ITPA: variants seen among roughly 807,000 people sequenced by gnomAD.
ITPA encodes inosine triphosphate pyrophosphatase.
Under a neutral mutation model 29.6 loss-of-function variants are expected in ITPA, and 29 were observed. The observed-to-expected ratio is 0.98, with a 90% CI of 0.73 to 1.34. The LOEUF (loss-of-function observed/expected upper bound fraction) is 1.34, where lower values mean the gene tolerates loss of function less well. Among genes scored for constraint, ITPA ranks in the 40% most tolerant of loss-of-function variants. ITPA has a pLI of 0.00. For synonymous variants in ITPA, 103 were observed against 99.3 expected, an observed-to-expected ratio of 1.04 and a Z score of -0.22; for missense variants, 241 against 251.5, an observed-to-expected ratio of 0.96 and a Z score of 0.28.
chr20:3,211,293 G>A (rs1600494523), intron 1 of ITPA, among the ~76,000 whole-genome samples: 4 of 149,568 alleles, frequency 2.7e-5, no homozygotes, highest in African/African-American at 7.4e-5. Context: ...AGCCTCCCGA[G>A]TATCTGGGAT....
At position 3,211,322 on chromosome 20, in the gene ITPA, C is replaced by A. The variant is rs529287928; in HGVS notation, c.66+1705C>A. Among the ~76,000 whole-genome samples, 30 of 150,184 alleles carry A rather than the reference C, an allele frequency of 2.0e-4. 1 individual carries two copies. Among genetic ancestry groups the A allele is most frequent in the African/African-American group, 7.1e-4 (29 of 40,962 alleles). ...CTGGGATTGCAGGCATGTATCACCA[C>A]GCCTGGTTAATTTTTGTATTTTTAG... On this transcript the variant is annotated intron_variant, in intron 1 of 7. Transcript: ENST00000380113.
upstream of ITPA, among the ~76,000 whole-genome samples, chr20:3,205,964 G>A (rs1260638401): frequency 6.6e-6 from 1 of 150,444 alleles, no homozygotes; most frequent in Non-Finnish European, 1.5e-5. Context: ...GCTGAGGCAG[G>A]AGAATCACTT....
chr20:3,217,810 A>G (rs115452079), intron 5 of ITPA, among the ~76,000 whole-genome samples: 3,739 of 152,272 alleles, frequency 0.025, 149 homozygotes, highest in African/African-American at 0.085. Context: ...ACTGTTAAAC[A>G]AGTAAACTAT....
intron 1 of ITPA, among the ~76,000 whole-genome samples, chr20:3,212,343 G>T (rs1429064016): frequency 3.4e-5 from 5 of 148,672 alleles, no homozygotes; most frequent in Non-Finnish European, 5.9e-5. Flanking sequence ...TTTTTGAGAC[G>T]GAGTCTCACT....
intron 7 of ITPA, 94 bp from the exon 8 acceptor site, chr20:3,223,272 C>T: frequency 2.2e-6 from 2 of 916,136 alleles, no homozygotes; most frequent in Non-Finnish European, 3.5e-6. Context: ...GGTCTGTGAG[C>T]TTTGGTCTCC....
At chr20:3,224,293 G>T (rs1457332410), downstream of ITPA, among the ~76,000 whole-genome samples, 1 of 152,326 alleles carries the variant, frequency 6.6e-6, no homozygotes, top group Non-Finnish European at 1.5e-5. Context: ...CAGGCCCCTC[G>T]GGAGGCCCTG....
chr20:3,210,983 G>A (rs1195966395), intron 1 of ITPA, among the ~76,000 whole-genome samples: 5 of 151,158 alleles, frequency 3.3e-5, no homozygotes, highest in Admixed American at 2.6e-4. Context: ...CCTAGGAAGC[G>A]GAGGTTACAG....
At chr20:3,221,205 C>A (rs1046410123) in intron 6 of ITPA, among the ~76,000 whole-genome samples, 1 of 144,276 alleles carries the variant, frequency 6.9e-6, no homozygotes, top group Non-Finnish European at 1.5e-5. Flanking sequence ...TTTTCTTTTT[C>A]TTTTCTTTCT....
chr20:3,207,878 C>A (rs773010451), upstream of ITPA, among the ~76,000 whole-genome samples: 4 of 150,430 alleles, frequency 2.7e-5, no homozygotes, highest in Non-Finnish European at 4.4e-5. Flanking sequence ...GCTTGTAGTC[C>A]CAGCTACTCA....
chr20:3,209,164 T>G (rs1049385375), upstream of ITPA: 2 of 319,420 alleles, frequency 6.3e-6, no homozygotes, highest in Non-Finnish European at 1.2e-5. This position sits in a 1 kb window ranked among gnomAD's most constrained non-coding sequence, Gnocchi z 4.6. Context: ...AGGAGGCAGT[T>G]TTTTGAGACA....
intron 5 of ITPA, among the ~76,000 whole-genome samples, chr20:3,217,920 TTG>T (rs2067347383): frequency 2.2e-5 from 3 of 138,466 alleles, no homozygotes; most frequent in Non-Finnish European, 4.8e-5. Flanking sequence ...TTTTTTGTTT[TTG>T]TTTTTTCTTT....
In ITPA at chr20:3,211,713, G is replaced by A. The variant is rs574952577; in HGVS notation, c.67-1456G>A. Among the ~76,000 whole-genome samples the A allele has an allele frequency of 2.0e-5, 3 of 152,160 alleles. No individual in the cohort carries two copies. The South Asian group carries it at 6.2e-4, about 32-fold the overall frequency. ...TCTCCATGTTGGTCAGGCTGGTCTC[G>A]AACTCCCGACCTCAGGTGATCCGCC... On this transcript the variant is annotated intron_variant, in intron 1 of 7. Transcript: ENST00000380113.
downstream of ITPA, chr20:3,223,905 C>A: frequency 2.3e-5 from 3 of 129,044 alleles, no homozygotes; most frequent in South Asian, 2.3e-4. Context: ...TTGGCAGGTG[C>A]AGGAAGTTTT....
upstream of ITPA, among the ~76,000 whole-genome samples, chr20:3,205,949 G>A (rs1222357155): frequency 9.2e-5 from 14 of 151,666 alleles, 1 homozygote; most frequent in Admixed American, 3.3e-4. Flanking sequence ...CCAGCTACTC[G>A]GGAGGCTGAG....
chr20:3,225,120 C>T (rs369559640), downstream of ITPA, among the ~76,000 whole-genome samples: 10 of 152,130 alleles, frequency 6.6e-5, 1 homozygote, highest in South Asian at 4.2e-4. Context: ...GGGAGGATCC[C>T]GAGCCTAGGG....
At chr20:3,226,175 G>A (rs1037343854), downstream of ITPA, among the ~76,000 whole-genome samples, 1 of 152,178 alleles carries the variant, frequency 6.6e-6, no homozygotes, top group African/African-American at 2.4e-5. The surrounding 1 kb of genome is among the most constrained non-coding windows in gnomAD (Gnocchi z 4.4). Context: ...TCAGACTGGT[G>A]GGAAGTTAGG....
upstream of ITPA, chr20:3,204,455 G>C (rs753154981): frequency 7.8e-6 from 11 of 1,410,102 alleles, no homozygotes; most frequent in Middle Eastern, 1.8e-4. Flanking sequence ...GCACGCGCAG[G>C]AGCCGCGGCG....
intron 1 of ITPA, among the ~76,000 whole-genome samples, chr20:3,212,962 C>T (rs769048469): frequency 2.0e-5 from 3 of 151,568 alleles, no homozygotes; most frequent in Non-Finnish European, 2.9e-5. Flanking sequence ...AGAGACCTGA[C>T]GTAGAAGAGA....
At chr20:3,215,237 T>C in intron 4 of ITPA, 44 bp from the exon 5 acceptor site, 1 of 1,604,256 alleles carries the variant, frequency 6.2e-7, no homozygotes. Context: ...GGTAAGAAGA[T>C]CCAGCTGCTC....
Sources: allele counts gnomAD v4.1 joint callset (sites outside exome capture counted in the v4.1 genomes callset), GRCh38; gene constraint gnomAD v4.1.1; non-coding constraint Gnocchi (gnomAD v3.1); transcripts MANE v1.5; gene names NCBI Gene and HGNC (gene_info 2026-07-23, HGNC 2026-07-21).